Variants in LUZP2 observed in about 807,000 individuals in gnomAD.
The protein encoded by LUZP2 is leucine zipper protein 2.
A neutral mutation model predicts 51.6 loss-of-function variants in LUZP2; 52 were observed. The observed-to-expected ratio is 1.01, with a 90% CI of 0.81 to 1.27. The LOEUF (loss-of-function observed/expected upper bound fraction) is 1.27, where lower values mean the gene tolerates loss of function less well. LUZP2 is among the 50% of genes most tolerant of loss of function. The pLI, the probability that LUZP2 is intolerant of heterozygous loss-of-function variation, is 0.00. For missense variants in LUZP2, 436 were observed against 395.4 expected (o/e 1.10, Z -0.87); for synonymous variants, 154 against 137.3 (o/e 1.12, Z -0.85).
chr11:24,579,879 CA>C (rs1019454337), intron 1 of LUZP2, among the ~76,000 whole-genome samples: 2 of 152,006 alleles, frequency 1.3e-5, no homozygotes, highest in African/African-American at 4.8e-5. Flanking sequence ...GTCTTTATCC[CA>C]GAAACTGCTG....
chr11:24,854,431 A>T (rs2134230377), intron 5 of LUZP2, among the ~76,000 whole-genome samples: 1 of 152,294 alleles, frequency 6.6e-6, no homozygotes, highest in African/African-American at 2.4e-5. Context: ...TGAGTGGAAA[A>T]CCACCTACTC....
At chr11:24,719,768 A>C (rs1416919286) in intron 1 of LUZP2, among the ~76,000 whole-genome samples, 1 of 152,188 alleles carries the variant, frequency 6.6e-6, no homozygotes, top group African/African-American at 2.4e-5. Context: ...ATGTTATTCT[A>C]AATCTCAGCC....
At chr11:25,054,874 A>G (rs192164373) in intron 10 of LUZP2, among the ~76,000 whole-genome samples, 67 of 152,050 alleles carry the variant, frequency 4.4e-4, no homozygotes, top group African/African-American at 1.5e-3. Flanking sequence ...TTCCTTTTCA[A>G]GATTGTATTG....
intron 6 of LUZP2, among the ~76,000 whole-genome samples, chr11:24,911,218 G>T (rs1853623984): frequency 6.6e-6 from 1 of 152,142 alleles, no homozygotes. Context: ...GAAGGGAATT[G>T]TGTTCTCAGA....
At chr11:24,974,847 A>G (rs1189475308) in intron 7 of LUZP2, among the ~76,000 whole-genome samples, 2 of 152,116 alleles carry the variant, frequency 1.3e-5, no homozygotes, top group Non-Finnish European at 2.9e-5. Flanking sequence ...AAGTGGTAGG[A>G]AAGAAAGATT....
intron 6 of LUZP2, among the ~76,000 whole-genome samples, chr11:24,913,137 T>A (rs989634542): frequency 6.6e-6 from 1 of 152,138 alleles, no homozygotes; most frequent in African/African-American, 2.4e-5. Context: ...AACATAGAAT[T>A]TTTTCATTAC....
intron 5 of LUZP2, among the ~76,000 whole-genome samples, chr11:24,833,811 G>C (rs1022689029): frequency 1.3e-5 from 2 of 149,788 alleles, no homozygotes; most frequent in Non-Finnish European, 3.0e-5. Context: ...TGTATTCAGA[G>C]GAAAAGGTTG....
At chr11:24,557,319 A>T (rs1322860211) in intron 1 of LUZP2, among the ~76,000 whole-genome samples, 1 of 152,160 alleles carries the variant, frequency 6.6e-6, no homozygotes, top group East Asian at 1.9e-4. Flanking sequence ...CATCTTGCCA[A>T]AATGTGAATT....
Position 24,729,309 on chromosome 11 carries a change from G to A in LUZP2, c.180+23G>A, listed in dbSNP as rs139824738. 2.6e-4 allele frequency: 349 copies of A among 1,324,546 alleles called. 2 individuals carry two copies. The highest frequency in any genetic ancestry group is 2.5e-3 in the African/African-American group (168 of 67,458). The allele number at this position is 1,324,546 out of a possible 1,614,324, so 82.0% of individuals were successfully genotyped here. On this transcript the variant is annotated intron_variant, in intron 2 of 11. Coordinates refer to ENST00000336930, the MANE Select transcript of LUZP2 (RefSeq NM_001009909.4). ...CAGGTGAGATGAGAACTCATTTTCC[G>A]AGCAGTAAAAGAGGAGCAGTCATCT...
At chr11:24,670,613 A>G (rs1856374265) in intron 1 of LUZP2, among the ~76,000 whole-genome samples, 1 of 151,942 alleles carries the variant, frequency 6.6e-6, no homozygotes, top group Non-Finnish European at 1.5e-5. Context: ...TTATCTTGGG[A>G]CAGATTTTTA....
intron 1 of LUZP2, among the ~76,000 whole-genome samples, chr11:24,656,410 C>T (rs1443566439): frequency 2.6e-5 from 4 of 152,020 alleles, no homozygotes; most frequent in East Asian, 1.9e-4. Flanking sequence ...TACCTAAGCC[C>T]GTATGGATTA....
intron 9 of LUZP2, among the ~76,000 whole-genome samples, chr11:25,023,315 TCA>T (rs531025592): frequency 6.6e-6 from 1 of 152,262 alleles, no homozygotes; most frequent in East Asian, 1.9e-4. Context: ...AGCCTCAATT[TCA>T]CAGTCTGTTA....
chr11:24,509,728 C>A (rs2133772618), intron 1 of LUZP2, among the ~76,000 whole-genome samples: 1 of 151,714 alleles, frequency 6.6e-6, no homozygotes, highest in Middle Eastern at 3.4e-3. Flanking sequence ...AGATACCTTG[C>A]ATTTTTCTGA....
chr11:24,737,077 G>A (rs575706170), intron 3 of LUZP2, among the ~76,000 whole-genome samples: 1 of 152,058 alleles, frequency 6.6e-6, no homozygotes, highest in Non-Finnish European at 1.5e-5. Context: ...TTATGGTTGT[G>A]TAGAACATCA....
chr11:24,620,567 G>C (rs568539918), intron 1 of LUZP2, among the ~76,000 whole-genome samples: 48 of 152,284 alleles, frequency 3.2e-4, no homozygotes, highest in Non-Finnish European at 5.6e-4. Flanking sequence ...TACTGCAAAA[G>C]TGCTTGGAAA....
intron 1 of LUZP2, among the ~76,000 whole-genome samples, chr11:24,602,905 A>C (rs1049111707): frequency 1.3e-5 from 2 of 151,746 alleles, no homozygotes; most frequent in African/African-American, 2.4e-5. Flanking sequence ...AAAGAACGAA[A>C]ATTACTATTA....
intron 5 of LUZP2, among the ~76,000 whole-genome samples, chr11:24,823,801 C>T (rs377264550): frequency 1.3e-5 from 2 of 152,076 alleles, no homozygotes; most frequent in Non-Finnish European, 2.9e-5. Context: ...TGGTGGTTCA[C>T]ACCTGTAATC....
intron 1 of LUZP2, among the ~76,000 whole-genome samples, chr11:24,516,865 A>G (rs574342396): frequency 1.3e-5 from 2 of 152,334 alleles, no homozygotes; most frequent in South Asian, 4.1e-4. Flanking sequence ...CCATAATCAC[A>G]TTCCCTTAAG....
rs1403372290 is a variant in LUZP2, at chr11:25,081,673, G to A, written c.*3015G>A. On this transcript the variant is annotated 3_prime_UTR_variant, in exon 12 of 12. Coordinates refer to ENST00000336930, the MANE Select transcript of LUZP2 (RefSeq NM_001009909.4). ...TTAATTAACAACTAAATAAACAGACGTTGTTTTAAAGGAATTAACACTTAA... is the reference window on the plus strand; with the variant it reads ...TTAATTAACAACTAAATAAACAGACATTGTTTTAAAGGAATTAACACTTAA... 8 of 151,994 alleles carry A rather than the reference G, an allele frequency of 5.3e-5. No individual in the cohort carries two copies. Among genetic ancestry groups the A allele is most frequent in the African/African-American group, 1.2e-4 (5 of 41,398 alleles). 9.4% of individuals were successfully genotyped at this position (151,994 alleles called of 1,614,324 possible).
Sources: allele counts gnomAD v4.1 joint callset (sites outside exome capture counted in the v4.1 genomes callset), GRCh38; gene constraint gnomAD v4.1.1; transcripts MANE v1.5; gene names NCBI Gene and HGNC (gene_info 2026-07-23, HGNC 2026-07-21).